SCN7A: variants seen among roughly 807,000 people sequenced by gnomAD.
SCN7A encodes sodium voltage-gated channel alpha subunit 7, also known as sodium channel protein type 7 subunit alpha.
In SCN7A, 138 loss-of-function variants were observed where a neutral mutation model predicts 155.2. The ratio of observed to expected loss-of-function variants is 0.89; its 90% confidence interval spans 0.77 to 1.02. The LOEUF (loss-of-function observed/expected upper bound fraction) is 1.02. Among genes scored for constraint, SCN7A ranks in the 50% least tolerant of loss-of-function variants. The pLI, the probability that SCN7A is intolerant of heterozygous loss-of-function variation, is 0.00. For missense variants in SCN7A, 2,058 were observed against 1,986.6 expected (o/e 1.04, Z -0.68); for synonymous variants, 693 against 649.0 (o/e 1.07, Z -1.03).
intron 21 of SCN7A, among the ~76,000 whole-genome samples, chr2:166,413,520 T>C (rs775618806): frequency 6.6e-6 from 1 of 152,060 alleles, no homozygotes; most frequent in Non-Finnish European, 1.5e-5. Flanking sequence ...TTCCTCAAAA[T>C]GCTAAAGAGA....
chr2:166,416,556 C>T lies in SCN7A; in HGVS notation c.3414+151G>A. ...TGTTGAAATATTTGGGATGGGTTCC[C>T]CCGATAGTTGTATGTCCCATTACAT... On this transcript the variant is annotated intron_variant, in intron 21 of 25. Coordinates refer to ENST00000643258, the MANE Select transcript of SCN7A (RefSeq NM_002976.4). 7.4e-6 allele frequency: 5 copies of T among 673,896 alleles called. 1 individual carries two copies. The South Asian group carries it at 8.6e-5, about 12-fold the overall frequency. The allele number at this position is 673,896 out of a possible 1,614,324, so 41.7% of individuals were successfully genotyped here.
intron 25 of SCN7A, among the ~76,000 whole-genome samples, chr2:166,408,824 C>T (rs1414263117): frequency 2.6e-5 from 4 of 151,948 alleles, no homozygotes; most frequent in Non-Finnish European, 4.4e-5. Flanking sequence ...AACTTACACC[C>T]TAATATGTGT....
intron 17 of SCN7A, among the ~76,000 whole-genome samples, chr2:166,428,768 A>G (rs1701674001): frequency 6.6e-6 from 1 of 152,114 alleles, no homozygotes; most frequent in Non-Finnish European, 1.5e-5. Context: ...GTAAAGATAC[A>G]TAATGTTCAT....
At chr2:166,418,545 T>C (rs1559092212) in intron 20 of SCN7A, among the ~76,000 whole-genome samples, 1 of 152,006 alleles carries the variant, frequency 6.6e-6, no homozygotes, top group Non-Finnish European at 1.5e-5. Context: ...CAGCCATTAC[T>C]AGATACTAAT....
In SCN7A at chr2:166,441,570, G is replaced by T. The variant is rs1366927319; in HGVS notation, c.1983C>A (p.Asp661Glu). 1 of 1,614,062 alleles carries T rather than the reference G, an allele frequency of 6.2e-7. No homozygotes were observed. The highest frequency in any genetic ancestry group is 1.1e-5 in the South Asian group (1 of 91,090). The change falls in exon 15 of 26, where the codon GAC (aspartate) becomes GAA (glutamate). Residue 661 changes from aspartate to glutamate, a missense_variant. Asp to Glu is a conservative substitution (Grantham distance 45). Transcript: ENST00000643258. The stretch of plus-strand genomic sequence containing the variant: ...GCCAGCGTGGGAGTTGACAGTCTTT[G>T]TCTATGTGGCAGACAAATTCTTCAT... ...KNYEEFVCHI[D>E]KDCQLPRWHM...
At chr2:166,441,260 G>C (rs948878176) in intron 15 of SCN7A, 136 bp downstream of exon 15, 3 of 566,462 alleles carry the variant, frequency 5.3e-6, no homozygotes, top group Middle Eastern at 6.4e-4. Flanking sequence ...GTTGATAATG[G>C]CCACATCTGG....
chr2:166,420,910 T>C (rs1049099651), intron 20 of SCN7A, among the ~76,000 whole-genome samples: 2 of 151,972 alleles, frequency 1.3e-5, no homozygotes, highest in African/African-American at 4.8e-5. Flanking sequence ...TATGCATATG[T>C]ATATGGGGTA....
intron 3 of SCN7A, among the ~76,000 whole-genome samples, chr2:166,475,122 A>ATATATACGTATATATATATATATATAAG (rs71031250): frequency 1.1e-5 from 1 of 93,838 alleles, no homozygotes; most frequent in Non-Finnish European, 2.2e-5. Context: ...ATATATATAC[A>ATATATACGTATATATATATATATATAAG]TATATATATA....
chr2:166,441,497 A>G lies in SCN7A; in HGVS notation c.2056T>C (p.Cys686Arg). The G allele has an allele frequency of 1.2e-6, 2 of 1,614,108 alleles. No individual in the cohort carries two copies. The highest frequency in any genetic ancestry group is 4.5e-5 in the East Asian group (2 of 44,862). ...HSFLNVFRIL[C>R]GEWVETLWDC... is the part of the protein sequence containing the mutation. Reference sequence around the variant, plus strand: ...CACAAGGTCTCTACCCACTCTCCACAGAGAATTCGGAACACATTCAGGAAG... The same window carrying G: ...CACAAGGTCTCTACCCACTCTCCACGGAGAATTCGGAACACATTCAGGAAG... The change falls in exon 15 of 26, where the codon TGT becomes CGT. Residue 686 changes from cysteine to arginine, a missense_variant. Coordinates refer to ENST00000643258, the MANE Select transcript of SCN7A (RefSeq NM_002976.4).
At position 166,486,849 on chromosome 2, in the gene SCN7A, CA is replaced by C. The variant is rs554957730; in HGVS notation, c.-15+6del. ...AGAGCATATACAGGAGTTGCTGAGG[CA>C]AATACCTGTTGAACAACAGCACTTC... is the stretch of plus-strand genomic sequence containing the variant. On this transcript the variant is annotated splice_donor_region_variant and intron_variant, in intron 2 of 25. Transcript: ENST00000643258. The C allele has an allele frequency of 2.6e-5, 4 of 152,296 alleles. No individual in the cohort carries two copies. Among genetic ancestry groups the C allele is most frequent in the Admixed American group, 2.0e-4 (3 of 15,302 alleles). 9.4% of individuals were successfully genotyped at this position (152,296 alleles called of 1,614,324 possible).
At chr2:166,454,517 A>G (rs539234424) in intron 11 of SCN7A, among the ~76,000 whole-genome samples, 2 of 152,174 alleles carry the variant, frequency 1.3e-5, no homozygotes, top group Non-Finnish European at 2.9e-5. Flanking sequence ...AAAGGGTTAT[A>G]TACAGGGGAG....
intron 21 of SCN7A, among the ~76,000 whole-genome samples, chr2:166,415,313 C>T (rs1373971417): frequency 1.3e-5 from 2 of 151,204 alleles, no homozygotes; most frequent in East Asian, 3.9e-4. Context: ...CAACCTCCGC[C>T]TCCTAGGTTC....
At chr2:166,423,958 C>G (rs1245929327) in intron 18 of SCN7A, among the ~76,000 whole-genome samples, 1 of 152,082 alleles carries the variant, frequency 6.6e-6, no homozygotes. Flanking sequence ...GTTTTAATGT[C>G]AACCTTAATT....
Position 166,470,604 on chromosome 2 carries a change from C to CAATT in SCN7A, c.664+7_664+10dup. On this transcript the variant is annotated intron_variant, in intron 7 of 25. Coordinates refer to ENST00000643258, the MANE Select transcript of SCN7A (RefSeq NM_002976.4). The stretch of plus-strand genomic sequence containing the variant: ...CAAAATGAAGAAAAGACATTCAATG[C>CAATT]AATTTCTTACCTTGATTTAAAGGAA... 6.3e-7 allele frequency: 1 copy of CAATT among 1,588,478 alleles called. No individual in the cohort carries two copies. Among genetic ancestry groups the CAATT allele is most frequent in the Non-Finnish European group, 8.6e-7 (1 of 1,164,276 alleles).
At chr2:166,422,166 A>G (rs1238019977) in intron 19 of SCN7A, among the ~76,000 whole-genome samples, 2 of 152,102 alleles carry the variant, frequency 1.3e-5, no homozygotes, top group Non-Finnish European at 2.9e-5. Flanking sequence ...TAAATCATTA[A>G]TTGTAGATTG....
chr2:166,491,482 A>C (rs543340700), intron 1 of SCN7A, among the ~76,000 whole-genome samples: 8 of 152,324 alleles, frequency 5.3e-5, no homozygotes, highest in Non-Finnish European at 1.0e-4. Context: ...ATAATTGAAC[A>C]AATGAATGTA....
chr2:166,457,151 A>T (rs961123605), intron 10 of SCN7A, 75 bp from the exon 11 acceptor site: 1 of 1,097,444 alleles, frequency 9.1e-7, no homozygotes, highest in Non-Finnish European at 1.3e-6. Flanking sequence ...TTTAAAATAA[A>T]AGGCAAAATT....
intron 1 of SCN7A, among the ~76,000 whole-genome samples, chr2:166,493,351 A>T (rs569701076): frequency 6.6e-6 from 1 of 152,316 alleles, no homozygotes; most frequent in Non-Finnish European, 1.5e-5. Flanking sequence ...AGCTAACACA[A>T]CCAGTCACAC....
rs1179981848 is a variant in SCN7A at position 166,472,461 on chromosome 2, C to T, written c.444-16G>A. On this transcript the variant is annotated splice_polypyrimidine_tract_variant and intron_variant, in intron 5 of 25. Transcript: ENST00000643258. Reference sequence around the variant, plus strand: ...CAAAGTATTCCTGCAGAAATTTTTTCATATAAATATTATTGGTGAGAATAA... The same window carrying T: ...CAAAGTATTCCTGCAGAAATTTTTTTATATAAATATTATTGGTGAGAATAA... 1 of 1,552,026 alleles carries T rather than the reference C, an allele frequency of 6.4e-7. No homozygotes were observed. Among genetic ancestry groups the T allele is most frequent in the Non-Finnish European group, 8.8e-7 (1 of 1,133,320 alleles).
Sources: allele counts gnomAD v4.1 joint callset (sites outside exome capture counted in the v4.1 genomes callset), GRCh38; gene constraint gnomAD v4.1.1; transcripts MANE v1.5; gene names NCBI Gene and HGNC (gene_info 2026-07-23, HGNC 2026-07-21).